Variants in NLGN1 observed in about 807,000 individuals in gnomAD.
NLGN1 encodes neuroligin 1.
Under a neutral mutation model 65.5 loss-of-function variants are expected in NLGN1, and 12 were observed. That is an observed-to-expected ratio of 0.18 (90% CI 0.12 to 0.30). The LOEUF is 0.30. NLGN1 is among the 10% of genes least tolerant of loss of function. The pLI is 1.00. For synonymous variants in NLGN1, 350 were observed against 359.5 expected (o/e 0.97, Z 0.30); for missense variants, 750 against 1,007.1 (o/e 0.74, Z 3.46).
intron 2 of NLGN1, among the ~76,000 whole-genome samples, chr3:173,473,602 T>C (rs78975856): frequency 0.023 from 3,556 of 152,334 alleles, 153 homozygotes; most frequent in African/African-American, 0.079. Flanking sequence ...TGCAGCATGA[T>C]CTATTTCAGA....
intron 3 of NLGN1, among the ~76,000 whole-genome samples, chr3:173,716,740 T>TGCAGTCAGGGTGAA (rs141933429): frequency 2.0e-5 from 3 of 152,048 alleles, no homozygotes; most frequent in Admixed American, 6.6e-5. Flanking sequence ...AAGAGAAAGC[T>TGCAGTCAGGGTGAA]GCATAATGTA....
At chr3:174,239,522 A>G (rs1471033110) in intron 4 of NLGN1, among the ~76,000 whole-genome samples, 3 of 152,112 alleles carry the variant, frequency 2.0e-5, no homozygotes, top group African/African-American at 7.2e-5. Context: ...CATTTTAGTT[A>G]TTACATCATG....
At chr3:173,878,513 G>A (rs1466760295) in intron 4 of NLGN1, among the ~76,000 whole-genome samples, 3 of 151,474 alleles carry the variant, frequency 2.0e-5, no homozygotes, top group East Asian at 1.9e-4. Context: ...AAATTGGCTC[G>A]ATTATCTCAG....
At chr3:173,810,415 T>A (rs1717669917) in intron 4 of NLGN1, among the ~76,000 whole-genome samples, 1 of 152,160 alleles carries the variant, frequency 6.6e-6, no homozygotes, top group Non-Finnish European at 1.5e-5. Context: ...TAAGATATGA[T>A]CCCACATCCG....
chr3:173,529,731 A>C (rs539660639), intron 2 of NLGN1, among the ~76,000 whole-genome samples: 1 of 152,222 alleles, frequency 6.6e-6, no homozygotes, highest in African/African-American at 2.4e-5. Flanking sequence ...CCACCCAATA[A>C]AGACGGCTTT....
chr3:173,591,527 C>T (rs1748485496), intron 2 of NLGN1, among the ~76,000 whole-genome samples: 1 of 152,090 alleles, frequency 6.6e-6, no homozygotes, highest in Non-Finnish European at 1.5e-5. Context: ...TTGCCAATTC[C>T]AGCAAAAGCC....
rs113048636 is a variant in NLGN1, at chr3:173,694,388, A to G, written c.493+89297A>G. Among the ~76,000 whole-genome samples the G allele has an allele frequency of 1.7e-3, 260 of 152,272 alleles. 2 individuals are homozygous for G. The highest frequency in any genetic ancestry group is 6.0e-3 in the African/African-American group (248 of 41,572). ...GTGCGGTGTTGAAAGCTTGTGAACA[A>G]TGATAAAGGCCCATTTAATGTTTCA... On this transcript the variant is annotated intron_variant, in intron 3 of 6. Coordinates refer to ENST00000457714, the Ensembl canonical transcript of NLGN1.
At chr3:173,555,564 C>T (rs925654229) in intron 2 of NLGN1, among the ~76,000 whole-genome samples, 2 of 152,152 alleles carry the variant, frequency 1.3e-5, no homozygotes, top group Non-Finnish European at 2.9e-5. Flanking sequence ...GCTATGGCCT[C>T]AAAATCCCCG....
chr3:173,538,222 C>A (rs1737777250), intron 2 of NLGN1, among the ~76,000 whole-genome samples: 1 of 152,148 alleles, frequency 6.6e-6, no homozygotes, highest in African/African-American at 2.4e-5. Context: ...TTCTGGAGAA[C>A]CTTGCCCCAT....
At chr3:173,847,815 T>A (rs1296567415) in intron 4 of NLGN1, among the ~76,000 whole-genome samples, 1 of 152,040 alleles carries the variant, frequency 6.6e-6, no homozygotes, top group African/African-American at 2.4e-5. Flanking sequence ...GAGGTTGCAG[T>A]GAACCAAGAT....
In NLGN1 at chr3:174,064,573, TATA is replaced by T. The variant is rs200145703; in HGVS notation, c.647-210738_647-210736del. Among the ~76,000 whole-genome samples the T allele has an allele frequency of 6.2e-3, 938 of 150,122 alleles. 12 individuals carry two copies. The highest frequency in any genetic ancestry group is 0.022 in the African/African-American group (905 of 41,036). ...GCTTATTAATTACATTAATATTAAT[TATA>T]ATATTAATGTATGATACATATATTA... On this transcript the variant is annotated intron_variant, in intron 4 of 6. Transcript: ENST00000457714.
intron 1 of NLGN1, among the ~76,000 whole-genome samples, chr3:173,431,444 A>G (rs1180901475): frequency 6.6e-6 from 1 of 152,172 alleles, no homozygotes; most frequent in African/African-American, 2.4e-5. Flanking sequence ...TTGTACATAT[A>G]TAACTTTTTA....
intron 4 of NLGN1, among the ~76,000 whole-genome samples, chr3:174,086,392 T>A (rs1409155253): frequency 2.0e-5 from 3 of 149,056 alleles, no homozygotes; most frequent in African/African-American, 7.4e-5. Flanking sequence ...TACTTTTTAA[T>A]TTTTTTGCCT....
intron 4 of NLGN1, among the ~76,000 whole-genome samples, chr3:174,032,611 G>A (rs1730254562): frequency 6.6e-6 from 1 of 152,126 alleles, no homozygotes; most frequent in Non-Finnish European, 1.5e-5. Context: ...AATTCTAGGG[G>A]CTGCAGTCTT....
intron 4 of NLGN1, among the ~76,000 whole-genome samples, chr3:174,211,045 TG>T (rs1255958926): frequency 1.7e-4 from 26 of 152,186 alleles, no homozygotes; most frequent in Non-Finnish European, 3.8e-4. Context: ...TGTTCAGATG[TG>T]TTCGGAGTTT....
intron 4 of NLGN1, among the ~76,000 whole-genome samples, chr3:174,185,376 A>T (rs1731201272): frequency 6.6e-6 from 1 of 152,152 alleles, no homozygotes; most frequent in South Asian, 2.1e-4. Flanking sequence ...CCAAAACAAG[A>T]TCCTCTAGAC....
chr3:173,589,460 T>C (rs1395531470), intron 2 of NLGN1, among the ~76,000 whole-genome samples: 8 of 152,202 alleles, frequency 5.3e-5, no homozygotes, highest in African/African-American at 1.9e-4. Context: ...ATGTTTTGCA[T>C]AATTTAGAAA....
chr3:173,941,505 G>A (rs552137977), intron 4 of NLGN1, among the ~76,000 whole-genome samples: 3 of 151,922 alleles, frequency 2.0e-5, no homozygotes, highest in African/African-American at 4.8e-5. Context: ...CTAAAACAAG[G>A]CAATTGACTC....
intron 4 of NLGN1, among the ~76,000 whole-genome samples, chr3:173,846,038 T>G (rs1560483545): frequency 6.6e-6 from 1 of 152,080 alleles, no homozygotes; most frequent in African/African-American, 2.4e-5. Context: ...GCCTCAGCCT[T>G]CTGAGCAGCT....
Sources: gnomAD v4.1 joint callset for allele counts (sites outside exome capture counted in the v4.1 genomes callset) on GRCh38, gnomAD v4.1.1 for gene constraint, MANE v1.5 for transcripts, NCBI Gene and HGNC (gene_info 2026-07-23, HGNC 2026-07-21) for gene names.